Variants in DAB1 observed in about 807,000 individuals in gnomAD.
DAB1 encodes the protein DAB adaptor protein 1.
DAB1 carries 15 observed loss-of-function variants against 64.6 expected under a neutral mutation model. The ratio of observed to expected loss-of-function variants is 0.23; its 90% CI spans 0.16 to 0.36. The LOEUF (loss-of-function observed/expected upper bound fraction) is 0.36, where lower values mean the gene tolerates loss of function less well. Ranked by LOEUF, DAB1 falls within the 10% of genes least tolerant of loss-of-function variation. The pLI is 1.00. For missense variants in DAB1, 596 were observed against 706.7 expected, an observed-to-expected ratio of 0.84 and a Z score of 1.78; for synonymous variants, 235 against 251.9, an observed-to-expected ratio of 0.93 and a Z score of 0.64.
chr1:58,420,864 T>G (rs1181198772), intron 3 of DAB1, among the ~76,000 whole-genome samples: 2 of 152,172 alleles, frequency 1.3e-5, no homozygotes, highest in Non-Finnish European at 2.9e-5. Context: ...CAAATCTAAC[T>G]GCTCTCCTCT....
chr1:57,945,210 T>C (rs1645166614), intron 5 of DAB1, among the ~76,000 whole-genome samples: 1 of 152,088 alleles, frequency 6.6e-6, no homozygotes, highest in African/African-American at 2.4e-5. Context: ...CCAATCATGC[T>C]CTCACTGAAT....
At chr1:57,003,095 G>A (rs1645931024) in intron 14 of DAB1, among the ~76,000 whole-genome samples, 1 of 152,208 alleles carries the variant, frequency 6.6e-6, no homozygotes, top group Non-Finnish European at 1.5e-5. Context: ...TGAGCTCTCA[G>A]TTATTAATAA....
chr1:57,684,646 A>G (rs1299973988), intron 6 of DAB1, among the ~76,000 whole-genome samples: 1 of 152,186 alleles, frequency 6.6e-6, no homozygotes, highest in Admixed American at 6.5e-5. Context: ...CAAAAGAATG[A>G]CACCTTCTAC....
chr1:57,084,757 T>C (rs1363072661), intron 4 of DAB1, among the ~76,000 whole-genome samples: 1 of 152,212 alleles, frequency 6.6e-6, no homozygotes, highest in Non-Finnish European at 1.5e-5. Flanking sequence ...CAGAACTTGC[T>C]ACTTAAATCA....
chr1:57,958,663 G>A (rs1176767905), intron 5 of DAB1, among the ~76,000 whole-genome samples: 1 of 152,180 alleles, frequency 6.6e-6, no homozygotes, highest in Non-Finnish European at 1.5e-5. Context: ...GAAATGTATT[G>A]TTTCACAGTT....
At chr1:57,004,486 G>A (rs1192474266) in intron 14 of DAB1, among the ~76,000 whole-genome samples, 2 of 152,204 alleles carry the variant, frequency 1.3e-5, no homozygotes, top group East Asian at 1.9e-4. Context: ...TCAGCTTGCT[G>A]AGTGAGCCTA....
intron 7 of DAB1, among the ~76,000 whole-genome samples, chr1:57,488,603 G>A (rs1480249350): frequency 1.3e-5 from 2 of 151,794 alleles, no homozygotes; most frequent in Admixed American, 1.3e-4. Context: ...TTGAATCTGG[G>A]AGGTGGAGGT....
At chr1:58,041,232 A>G (rs1042167231) in intron 5 of DAB1, among the ~76,000 whole-genome samples, 2 of 152,190 alleles carry the variant, frequency 1.3e-5, no homozygotes, top group African/African-American at 4.8e-5. Context: ...GCAAGCCTGC[A>G]TATTACAGTT....
In DAB1 at chr1:57,254,564, G is replaced by A. The variant is rs140880688; in HGVS notation, c.67+36400C>T. On this transcript the variant is annotated intron_variant, in intron 2 of 14. Coordinates refer to ENST00000371236, the MANE Select transcript of DAB1 (RefSeq NM_001365792.1). The stretch of plus-strand genomic sequence containing the variant: ...TTTAAAACAAGGGCAAATTCAGGAT[G>A]ATACACTAAGAATTCAAATAAATCA... Among the ~76,000 whole-genome samples, 15 of 152,254 alleles carry A rather than the reference G, an allele frequency of 9.9e-5. No homozygotes were observed. The East Asian group carries it at 2.9e-3, about 29-fold the overall frequency.
At chr1:57,573,259 A>C (rs190846645) in intron 7 of DAB1, among the ~76,000 whole-genome samples, 1 of 151,726 alleles carries the variant, frequency 6.6e-6, no homozygotes, top group African/African-American at 2.4e-5. Flanking sequence ...GCTGGTTTTT[A>C]AAAAAAACTT....
At chr1:57,605,946 T>G in intron 7 of DAB1, 1 of 688,676 alleles carries the variant, frequency 1.5e-6, no homozygotes, top group Non-Finnish European at 2.7e-6. Flanking sequence ...AGTCAAAGAG[T>G]CACTTGTGGA....
At chr1:57,934,648 T>C (rs181597997) in intron 5 of DAB1, among the ~76,000 whole-genome samples, 1 of 152,300 alleles carries the variant, frequency 6.6e-6, no homozygotes, top group African/African-American at 2.4e-5. Flanking sequence ...TTTTCATAGA[T>C]AAAGCATCTG....
At chr1:58,165,061 G>A (rs1295577013) in intron 4 of DAB1, among the ~76,000 whole-genome samples, 3 of 152,168 alleles carry the variant, frequency 2.0e-5, no homozygotes, top group African/African-American at 7.2e-5. Flanking sequence ...GAAACAAAAT[G>A]AGACTGATTA....
At chr1:57,777,198 C>T (rs1649852283) in intron 6 of DAB1, among the ~76,000 whole-genome samples, 1 of 111,552 alleles carries the variant, frequency 9.0e-6, no homozygotes, top group South Asian at 2.8e-4. Flanking sequence ...ATTTGTATTC[C>T]TCTATACTTA....
intron 2 of DAB1, among the ~76,000 whole-genome samples, chr1:57,193,840 ACT>A (rs10545124): frequency 0.2 from 29,916 of 152,128 alleles, 5,182 homozygotes; most frequent in African/African-American, 0.45. Context: ...CTTAAGCCAG[ACT>A]CTGGTTCAAA....
chr1:58,168,248 G>A lies in DAB1; in HGVS notation n.310-17660C>T, dbSNP rs1048527060. On this transcript the variant is annotated intron_variant and non_coding_transcript_variant, in intron 4 of 20. Transcript: ENST00000485760. Reference sequence around the variant, plus strand: ...GCTGGTTTGCCTGGAAGCAGCTTCCGCTTTTCCTTTACTTCTGGGCTGAGC... The same window carrying A: ...GCTGGTTTGCCTGGAAGCAGCTTCCACTTTTCCTTTACTTCTGGGCTGAGC... Among the ~76,000 whole-genome samples, 5 of 152,236 alleles carry A rather than the reference G, an allele frequency of 3.3e-5. 1 individual carries two copies. Among genetic ancestry groups the A allele is most frequent in the South Asian group, 4.1e-4 (2 of 4,822 alleles).
chr1:57,564,617 C>G (rs1028253283), intron 7 of DAB1, among the ~76,000 whole-genome samples: 1 of 152,102 alleles, frequency 6.6e-6, no homozygotes, highest in South Asian at 2.1e-4. Flanking sequence ...AACCATGGCA[C>G]GAGAACTACC....
At chr1:58,241,978 A>C (rs1378033308) in intron 4 of DAB1, among the ~76,000 whole-genome samples, 1 of 152,130 alleles carries the variant, frequency 6.6e-6, no homozygotes, top group Admixed American at 6.5e-5. Context: ...GAATCTACCC[A>C]TAAAAGTTAA....
At chr1:57,882,905 G>A (rs560550599) in intron 1 of DAB1, among the ~76,000 whole-genome samples, 16 of 152,246 alleles carry the variant, frequency 1.1e-4, no homozygotes, top group Admixed American at 7.2e-4. Flanking sequence ...AAGGTACACC[G>A]AACCCAGTTT....
Sources: allele counts gnomAD v4.1 joint callset (sites outside exome capture counted in the v4.1 genomes callset), GRCh38; gene constraint gnomAD v4.1.1; transcripts MANE v1.5; gene names NCBI Gene and HGNC (gene_info 2026-07-23, HGNC 2026-07-21).